Variants in SLC7A14 observed in about 807,000 individuals in gnomAD.
SLC7A14 encodes the protein gamma-aminobutyric acid transporter SLC7A14.
A neutral mutation model predicts 60.2 loss-of-function variants in SLC7A14; 37 were observed. That is an observed-to-expected ratio of 0.61 (90% CI 0.47 to 0.81). The LOEUF is 0.81. Among genes scored for constraint, SLC7A14 ranks in the 30% least tolerant of loss-of-function variants. The pLI is 0.00. For synonymous variants in SLC7A14, 399 were observed against 395.8 expected (o/e 1.01, Z -0.10); for missense variants, 886 against 982.7 (o/e 0.90, Z 1.32).
At chr3:170,545,258 C>T (rs537477528) in intron 1 of SLC7A14, among the ~76,000 whole-genome samples, 8 of 152,156 alleles carry the variant, frequency 5.3e-5, no homozygotes, top group South Asian at 2.1e-4. Context: ...TGCCAGCTTC[C>T]GTGGCCATGT....
rs549909893 is a variant in SLC7A14 at position 170,487,753 on chromosome 3, G to C, written c.760-1385C>G. Among the ~76,000 whole-genome samples, 87 of 152,208 alleles carry C rather than the reference G, an allele frequency of 5.7e-4. 1 individual carries two copies. In the South Asian group the frequency reaches 0.017, roughly 30 times the overall value. On this transcript the variant is annotated intron_variant, in intron 4 of 7. Transcript: ENST00000231706. ...TCTAATGTTTCAACCCTCTACTCTG[G>C]GGTTCTTATCCTGGAGGCCATGGAA...
At chr3:170,482,887 A>G (rs958299272) in intron 6 of SLC7A14, among the ~76,000 whole-genome samples, 4 of 151,720 alleles carry the variant, frequency 2.6e-5, no homozygotes, top group African/African-American at 7.3e-5. Flanking sequence ...AGAGGGTCTT[A>G]TCTACTCTTT....
chr3:170,474,401 C>T (rs965121842), intron 7 of SLC7A14, among the ~76,000 whole-genome samples: 2 of 152,182 alleles, frequency 1.3e-5, no homozygotes, highest in African/African-American at 2.4e-5. Context: ...TGCACCTCTG[C>T]CAGCAGACAG....
intron 7 of SLC7A14, among the ~76,000 whole-genome samples, chr3:170,469,181 C>T (rs927921360): frequency 1.3e-5 from 2 of 152,158 alleles, no homozygotes; most frequent in Non-Finnish European, 2.9e-5. Flanking sequence ...ACCCTGCAGG[C>T]TTCTGCTGGG....
intron 1 of SLC7A14, among the ~76,000 whole-genome samples, chr3:170,552,315 T>C (rs1020069668): frequency 6.6e-6 from 1 of 152,166 alleles, no homozygotes; most frequent in Non-Finnish European, 1.5e-5. Flanking sequence ...AGTCCAGAAA[T>C]ACACCCTCAC....
chr3:170,496,937 CG>C (rs1712418160), intron 4 of SLC7A14, among the ~76,000 whole-genome samples: 2 of 152,054 alleles, frequency 1.3e-5, no homozygotes. Context: ...CCCCAGAGCC[CG>C]GGAGGGAGGC....
chr3:170,473,873 G>A (rs1403351300), intron 7 of SLC7A14, among the ~76,000 whole-genome samples: 1 of 152,180 alleles, frequency 6.6e-6, no homozygotes, highest in East Asian at 1.9e-4. Context: ...TCTGCAAAAC[G>A]GGGTTGGGGA....
At chr3:170,539,835 A>G (rs1393362544) in intron 1 of SLC7A14, among the ~76,000 whole-genome samples, 1 of 152,174 alleles carries the variant, frequency 6.6e-6, no homozygotes, top group Non-Finnish European at 1.5e-5. Context: ...TTTTTCCTAT[A>G]TGTACATACC....
rs1191599819 is a variant in SLC7A14, at chr3:170,567,632, A to C, written c.-153+18279T>G. Among the ~76,000 whole-genome samples, 1,272 of 149,972 alleles carry C rather than the reference A, an allele frequency of 8.5e-3. 20 individuals are homozygous for C. The highest frequency in any genetic ancestry group is 0.029 in the African/African-American group (1,210 of 41,162). ...TAGTTTACAGTCCCACCAACAGTGT[A>C]AAAGTGTTCCTATTTCTCCACATCC... is the stretch of plus-strand genomic sequence containing the variant. On this transcript the variant is annotated intron_variant, in intron 1 of 7. Transcript: ENST00000231706.
chr3:170,503,317 G>T (rs1476303231), intron 2 of SLC7A14, among the ~76,000 whole-genome samples: 1 of 152,196 alleles, frequency 6.6e-6, no homozygotes, highest in African/African-American at 2.4e-5. Flanking sequence ...AATTGTTAGA[G>T]TGAGTCTAAA....
chr3:170,541,409 G>A (rs1259951797), intron 1 of SLC7A14, among the ~76,000 whole-genome samples: 2 of 152,100 alleles, frequency 1.3e-5, no homozygotes, highest in African/African-American at 4.8e-5. Flanking sequence ...ACCAGCCTGG[G>A]CAGCATAGCA....
chr3:170,552,059 T>C (rs1714368393), intron 1 of SLC7A14, among the ~76,000 whole-genome samples: 1 of 152,234 alleles, frequency 6.6e-6, no homozygotes, highest in Non-Finnish European at 1.5e-5. Context: ...TATGTTTTGG[T>C]CTTTAATCCA....
intron 2 of SLC7A14, among the ~76,000 whole-genome samples, chr3:170,505,947 A>C (rs1449740872): frequency 6.6e-6 from 1 of 152,090 alleles, no homozygotes; most frequent in Admixed American, 6.5e-5. Context: ...TGAATCCATT[A>C]AAAAATTTTG....
chr3:170,569,862 T>G (rs1477705206), intron 1 of SLC7A14, among the ~76,000 whole-genome samples: 1 of 152,196 alleles, frequency 6.6e-6, no homozygotes, highest in African/African-American at 2.4e-5. Flanking sequence ...TGATATCCCC[T>G]TTATCACTTT....
intron 2 of SLC7A14, among the ~76,000 whole-genome samples, chr3:170,510,400 ATAAATAAAT>A (rs1190583579): frequency 7.1e-5 from 9 of 127,454 alleles, no homozygotes; most frequent in South Asian, 2.6e-4. Context: ...AAAAAAAAAA[ATAAATAAAT>A]AAATAAATAA....
At chr3:170,547,374 A>C (rs1378125968) in intron 1 of SLC7A14, among the ~76,000 whole-genome samples, 3 of 152,208 alleles carry the variant, frequency 2.0e-5, no homozygotes, top group South Asian at 4.1e-4. Context: ...ATCTGCATAT[A>C]ACTTTTGACT....
rs371228866 is a variant in SLC7A14 at position 170,468,722 on chromosome 3, C to T, written c.1994-1345G>A. On this transcript the variant is annotated intron_variant, in intron 7 of 7. Transcript: ENST00000231706. Reference sequence around the variant, plus strand: ...GGGCTCTGTGTTCAAATCCTGCCTTCATCACTGTTAGCTGTGTAACCCTGG... The same window carrying T: ...GGGCTCTGTGTTCAAATCCTGCCTTTATCACTGTTAGCTGTGTAACCCTGG... 2.0e-5 allele frequency among the ~76,000 whole-genome samples: 3 copies of T among 152,210 alleles called. No homozygotes were observed. The East Asian group carries it at 5.8e-4, about 29-fold the overall frequency.
intron 1 of SLC7A14, among the ~76,000 whole-genome samples, chr3:170,541,447 A>T (rs1173483718): frequency 1.3e-5 from 2 of 152,136 alleles, no homozygotes; most frequent in Non-Finnish European, 2.9e-5. Context: ...AAAGAAAAAA[A>T]AATAAGGTGG....
At chr3:170,529,166 G>A (rs747471132) in intron 1 of SLC7A14, among the ~76,000 whole-genome samples, 32 of 152,168 alleles carry the variant, frequency 2.1e-4, no homozygotes, top group Non-Finnish European at 4.4e-5. Context: ...AGAACCACAT[G>A]AGTAAATAAG....
Sources: allele counts gnomAD v4.1 joint callset (sites outside exome capture counted in the v4.1 genomes callset), GRCh38; gene constraint gnomAD v4.1.1; transcripts MANE v1.5; gene names NCBI Gene and HGNC (gene_info 2026-07-23, HGNC 2026-07-21).